Variants in IFT43 observed in about 807,000 individuals in gnomAD.
The protein encoded by IFT43 is intraflagellar transport 43, also known as intraflagellar transport protein 43 homolog.
In IFT43, 33 loss-of-function variants were observed where a neutral mutation model predicts 32.3. The observed-to-expected ratio is 1.02, with a 90% CI of 0.77 to 1.37. The LOEUF (loss-of-function observed/expected upper bound fraction) is 1.37. Ranked by LOEUF, IFT43 falls within the 40% of genes most tolerant of loss-of-function variation. The pLI is 0.00. For missense variants in IFT43, 274 were observed against 265.9 expected (o/e 1.03, Z -0.21); for synonymous variants, 93 against 98.2 (o/e 0.95, Z 0.31).
intron 5 of IFT43, among the ~76,000 whole-genome samples, chr14:76,062,507 C>T (rs1161330640): frequency 6.6e-6 from 1 of 152,142 alleles, no homozygotes; most frequent in Non-Finnish European, 1.5e-5. Flanking sequence ...TCTGGATAAA[C>T]CCATTGTGAG....
At chr14:76,044,260 G>A (rs1594840999) in intron 3 of IFT43, among the ~76,000 whole-genome samples, 2 of 152,078 alleles carry the variant, frequency 1.3e-5, no homozygotes, top group East Asian at 1.9e-4. Context: ...GGCTGGTCTC[G>A]AACTCCTGGC....
intron 5 of IFT43, among the ~76,000 whole-genome samples, chr14:76,081,177 A>T (rs1376135433): frequency 1.3e-5 from 2 of 152,250 alleles, no homozygotes; most frequent in Non-Finnish European, 2.9e-5. Context: ...AAAAGTCGAA[A>T]TCACGAATTG....
chr14:76,027,706 CAAA>C (rs34486241), intron 3 of IFT43, among the ~76,000 whole-genome samples: 10 of 97,384 alleles, frequency 1.0e-4, no homozygotes, highest in Non-Finnish European at 1.0e-4. Context: ...GAGACTGTCT[CAAA>C]AAAAAAAAAA....
intron 3 of IFT43, among the ~76,000 whole-genome samples, chr14:76,037,241 C>T (rs1371465209): frequency 3.3e-5 from 5 of 152,116 alleles, no homozygotes; most frequent in African/African-American, 9.7e-5. Context: ...TAGGTGATGC[C>T]GTGTACATCC....
chr14:76,059,536 C>T, intron 5 of IFT43, 163 bp downstream of exon 5: 1 of 700,250 alleles, frequency 1.4e-6, no homozygotes, highest in South Asian at 1.5e-5. Context: ...AATGCTGCCA[C>T]CTCTACCTGG....
intron 3 of IFT43, among the ~76,000 whole-genome samples, chr14:76,040,461 A>G (rs1290989656): frequency 1.3e-5 from 2 of 152,224 alleles, no homozygotes; most frequent in East Asian, 1.9e-4. Context: ...GGGAAGAGGT[A>G]TGAAGGTGCA....
chr14:76,022,622 G>T, intron 3 of IFT43: 1 of 379,890 alleles, frequency 2.6e-6, no homozygotes, highest in Non-Finnish European at 4.8e-6. Flanking sequence ...CCCACCAAAA[G>T]AAACCCTGTA....
chr14:76,016,526 A>G (rs1247744223), intron 2 of IFT43, among the ~76,000 whole-genome samples: 1 of 152,028 alleles, frequency 6.6e-6, no homozygotes, highest in African/African-American at 2.4e-5. Context: ...CCAATGTTGC[A>G]TTGGCTATTC....
In IFT43 at chr14:75,988,864, GC is replaced by G; in HGVS notation, c.55-19del. 1.2e-6 allele frequency: 2 copies of G among 1,613,624 alleles called. No homozygotes were observed. Among genetic ancestry groups the G allele is most frequent in the Non-Finnish European group, 1.7e-6 (2 of 1,179,910 alleles). Reference sequence around the variant, plus strand: ...CCCAAATGACATTTGGGTCAGCAGTGCCTTCTGTTTCTCCTTACAGAGGGCC... The same window carrying G: ...CCCAAATGACATTTGGGTCAGCAGTGCTTCTGTTTCTCCTTACAGAGGGCC... On this transcript the variant is annotated intron_variant, in intron 1 of 8. Coordinates refer to ENST00000314067, the MANE Select transcript of IFT43 (RefSeq NM_001102564.3).
At chr14:76,073,605 C>CTG (rs916442251) in intron 5 of IFT43, among the ~76,000 whole-genome samples, 22 of 152,140 alleles carry the variant, frequency 1.4e-4, no homozygotes, top group African/African-American at 5.1e-4. Flanking sequence ...GCACACATCT[C>CTG]TGTGTGTGTG....
At chr14:75,987,381 T>C (rs954955844) in intron 1 of IFT43, among the ~76,000 whole-genome samples, 6 of 152,166 alleles carry the variant, frequency 3.9e-5, no homozygotes, top group Admixed American at 3.9e-4. Flanking sequence ...GCATAAGAGT[T>C]TTTACGAGCT....
chr14:76,045,305 A>ATGCGAGG (rs1206737363), intron 3 of IFT43, among the ~76,000 whole-genome samples: 1 of 152,116 alleles, frequency 6.6e-6, no homozygotes, highest in Non-Finnish European at 1.5e-5. Context: ...GCATCCTTAG[A>ATGCGAGG]ATTCTTCTCC....
intron 5 of IFT43, among the ~76,000 whole-genome samples, chr14:76,071,733 A>G (rs576423138): frequency 6.6e-6 from 1 of 152,348 alleles, no homozygotes; most frequent in Non-Finnish European, 1.5e-5. Context: ...TCTTTTTAAT[A>G]TAATTTAATT....
chr14:76,019,854 T>C (rs545383570), intron 2 of IFT43, among the ~76,000 whole-genome samples: 1 of 152,146 alleles, frequency 6.6e-6, no homozygotes, highest in African/African-American at 2.4e-5. Context: ...AGCTCTTGAT[T>C]GTATTTTTTC....
At chr14:76,044,259 C>T (rs141800178) in intron 3 of IFT43, among the ~76,000 whole-genome samples, 3 of 152,132 alleles carry the variant, frequency 2.0e-5, no homozygotes, top group African/African-American at 4.8e-5. Flanking sequence ...AGGCTGGTCT[C>T]GAACTCCTGG....
At chr14:76,038,752 T>G (rs1424852590) in intron 3 of IFT43, among the ~76,000 whole-genome samples, 1 of 152,224 alleles carries the variant, frequency 6.6e-6, no homozygotes, top group African/African-American at 2.4e-5. Context: ...GTGTGAGATG[T>G]GTCACACTCA....
intron 2 of IFT43, 40 bp downstream of exon 2, chr14:75,989,017 T>C: frequency 6.2e-7 from 1 of 1,610,654 alleles, no homozygotes; most frequent in Admixed American, 1.7e-5. Flanking sequence ...GAAATACTGT[T>C]TAAGAGTTAG....
At chr14:75,999,817 G>A (rs1006511965) in intron 2 of IFT43, among the ~76,000 whole-genome samples, 2 of 152,248 alleles carry the variant, frequency 1.3e-5, no homozygotes, top group African/African-American at 4.8e-5. Context: ...ACCATTTAAT[G>A]TATTGGGAAC....
At chr14:76,026,699 G>A (rs2036403352) in intron 3 of IFT43, among the ~76,000 whole-genome samples, 1 of 152,112 alleles carries the variant, frequency 6.6e-6, no homozygotes, top group Admixed American at 6.5e-5. Flanking sequence ...CCTAGAGACA[G>A]AAATACCATT....
Sources: allele counts gnomAD v4.1 joint callset (sites outside exome capture counted in the v4.1 genomes callset), GRCh38; gene constraint gnomAD v4.1.1; transcripts MANE v1.5; gene names NCBI Gene and HGNC (gene_info 2026-07-23, HGNC 2026-07-21).